The following PCP4 variants were observed in gnomAD, a reference collection of about 807,000 sequenced individuals.
PCP4 encodes the protein Purkinje cell protein 4.
A neutral mutation model predicts 10.0 loss-of-function variants in PCP4; 8 were observed. The ratio of observed to expected loss-of-function variants is 0.80; its 90% CI spans 0.47 to 1.45. PCP4 has a LOEUF of 1.45. Among genes scored for constraint, PCP4 ranks in the 40% most tolerant of loss-of-function variants. The pLI, the probability that PCP4 is intolerant of heterozygous loss-of-function variation, is 0.00. For missense variants in PCP4, 54 were observed against 74.4 expected, an observed-to-expected ratio of 0.73 and a Z score of 1.01; for synonymous variants, 21 against 23.0, an observed-to-expected ratio of 0.91 and a Z score of 0.24.
At chr21:39,912,788 C>G (rs9808781) in intron 2 of PCP4, among the ~76,000 whole-genome samples, 11 of 151,952 alleles carry the variant, frequency 7.2e-5, no homozygotes, top group Non-Finnish European at 1.5e-4. Flanking sequence ...TTAGCTCACT[C>G]TAACCTTGAA....
At chr21:39,873,677 G>A (rs1016617702) in intron 1 of PCP4, among the ~76,000 whole-genome samples, 3 of 152,054 alleles carry the variant, frequency 2.0e-5, no homozygotes, top group African/African-American at 4.8e-5. Context: ...ATACAGAAAC[G>A]TTTTCCAGTC....
chr21:39,895,251 C>T (rs1422956719), intron 1 of PCP4, among the ~76,000 whole-genome samples: 1 of 152,240 alleles, frequency 6.6e-6, no homozygotes, highest in African/African-American at 2.4e-5. Context: ...ATCCACACAT[C>T]CATCTGCTAT....
At chr21:39,914,321 C>G (rs78345394) in intron 2 of PCP4, among the ~76,000 whole-genome samples, 52 of 152,252 alleles carry the variant, frequency 3.4e-4, no homozygotes, top group African/African-American at 1.2e-3. Flanking sequence ...TGGCTCATGT[C>G]TGTAATCCCA....
chr21:39,904,231 C>A (rs984889019), intron 2 of PCP4, among the ~76,000 whole-genome samples: 1 of 152,146 alleles, frequency 6.6e-6, no homozygotes, highest in African/African-American at 2.4e-5. Flanking sequence ...TTCACTACCC[C>A]CTACCCCTGG....
chr21:39,917,714 CTGAT>C (rs2087576037), intron 2 of PCP4, among the ~76,000 whole-genome samples: 1 of 152,142 alleles, frequency 6.6e-6, no homozygotes, highest in Non-Finnish European at 1.5e-5. Flanking sequence ...TCATACCTCT[CTGAT>C]TGTCTCCATT....
At chr21:39,873,614 C>T (rs1408759108) in intron 1 of PCP4, among the ~76,000 whole-genome samples, 1 of 152,118 alleles carries the variant, frequency 6.6e-6, no homozygotes, top group East Asian at 1.9e-4. Context: ...CAGGGATGAA[C>T]TATTTACCAT....
intron 2 of PCP4, among the ~76,000 whole-genome samples, chr21:39,918,145 T>TA (rs2087578021): frequency 6.6e-6 from 1 of 152,242 alleles, no homozygotes; most frequent in South Asian, 2.1e-4. Context: ...AAGCAATTCA[T>TA]ACAAATAGGA....
intron 1 of PCP4, among the ~76,000 whole-genome samples, chr21:39,872,428 G>T (rs932840631): frequency 6.6e-6 from 1 of 152,136 alleles, no homozygotes; most frequent in South Asian, 2.1e-4. Flanking sequence ...CTATTTGGAC[G>T]CACAGATAAT....
In PCP4 at chr21:39,906,104, G is replaced by T. The variant is rs1461741189; in HGVS notation, c.61+7577G>T. Among the ~76,000 whole-genome samples the T allele has an allele frequency of 6.6e-6, 1 of 152,226 alleles. No homozygotes were observed. The highest frequency in any genetic ancestry group is 2.1e-4 in the South Asian group (1 of 4,836). On this transcript the variant is annotated intron_variant, in intron 2 of 2. Coordinates refer to ENST00000328619, the MANE Select transcript of PCP4 (RefSeq NM_006198.3). This position sits in a 1 kb window ranked among gnomAD's most constrained non-coding sequence, Gnocchi z 6.3. ...GATGTTACCATGGCCTTGCAGGTGG[G>T]TTGGGAGAGGATCTCAGGCAAAGTT...
intron 1 of PCP4, among the ~76,000 whole-genome samples, chr21:39,897,514 G>A (rs753652093): frequency 3.3e-5 from 5 of 151,930 alleles, no homozygotes; most frequent in Admixed American, 2.6e-4. Context: ...CTAGAACCAC[G>A]TTAAGCTTTG....
At position 39,925,738 on chromosome 21, in the gene PCP4, C is replaced by T. The variant is rs566840813; in HGVS notation, c.62-3246C>T. ...AGTAGAAAGGGCCCCCTGTACTGCT[C>T]GTGGGTCCCCGCCTCTGCCCGGGAG... On this transcript the variant is annotated intron_variant, in intron 2 of 2. Coordinates refer to ENST00000328619, the MANE Select transcript of PCP4 (RefSeq NM_006198.3). 7.2e-5 allele frequency among the ~76,000 whole-genome samples: 11 copies of T among 152,166 alleles called. No individual in the cohort carries two copies. In the South Asian group the frequency reaches 1.0e-3, roughly 14 times the overall value.
At chr21:39,898,204 G>A in intron 1 of PCP4, 2 of 494,914 alleles carry the variant, frequency 4.0e-6, no homozygotes, top group Non-Finnish European at 7.3e-6. Flanking sequence ...CATTGAAGTT[G>A]TGCTTGATCT....
At chr21:39,870,131 A>G (rs2087312936) in intron 1 of PCP4, among the ~76,000 whole-genome samples, 1 of 152,252 alleles carries the variant, frequency 6.6e-6, no homozygotes, top group Non-Finnish European at 1.5e-5. Context: ...GGAAAGGTGG[A>G]GTGGCAAAGG....
At chr21:39,873,538 A>G (rs918429325) in intron 1 of PCP4, among the ~76,000 whole-genome samples, 2 of 152,260 alleles carry the variant, frequency 1.3e-5, no homozygotes, top group Admixed American at 6.5e-5. Context: ...GGGAGTTCGA[A>G]ACTGAATTGC....
At chr21:39,923,077 A>C (rs541069495) in intron 2 of PCP4, among the ~76,000 whole-genome samples, 5 of 152,340 alleles carry the variant, frequency 3.3e-5, no homozygotes, top group Admixed American at 6.5e-5. Context: ...GTCTATGCAG[A>C]GTGGGAAAAG....
intron 1 of PCP4, among the ~76,000 whole-genome samples, chr21:39,875,366 T>G (rs768715614): frequency 2.8e-4 from 43 of 152,260 alleles, no homozygotes; most frequent in Non-Finnish European, 7.3e-5. Flanking sequence ...TCCTCATCTC[T>G]GAGGGGTGAC....
At chr21:39,868,883 G>C (rs1966966085) in intron 1 of PCP4, among the ~76,000 whole-genome samples, 1 of 152,180 alleles carries the variant, frequency 6.6e-6, no homozygotes, top group Non-Finnish European at 1.5e-5. Context: ...GATGGCAGAG[G>C]TTGGAGGAGG....
chr21:39,898,456 C>A lies in PCP4; in HGVS notation c.10-20C>A, dbSNP rs1239585237. ...TATATCTGATAACAATTGCTTTTTT[C>A]TTTTATTTTTTGCCTTTAGCGACAA... On this transcript the variant is annotated intron_variant, in intron 1 of 2. Coordinates refer to ENST00000328619, the MANE Select transcript of PCP4 (RefSeq NM_006198.3). 6.2e-7 allele frequency: 1 copy of A among 1,608,100 alleles called. No individual in the cohort carries two copies. The highest frequency in any genetic ancestry group is 1.7e-5 in the Admixed American group (1 of 59,650).
At chr21:39,878,615 G>C (rs2183577) in intron 1 of PCP4, among the ~76,000 whole-genome samples, 27,160 of 152,130 alleles carry the variant, frequency 0.18, 2,727 homozygotes, top group South Asian at 0.39. Flanking sequence ...TTACATTTTT[G>C]AAAGTGCACA....
Sources: allele counts gnomAD v4.1 joint callset (sites outside exome capture counted in the v4.1 genomes callset), GRCh38; gene constraint gnomAD v4.1.1; non-coding constraint Gnocchi (gnomAD v3.1); transcripts MANE v1.5; gene names NCBI Gene and HGNC (gene_info 2026-07-23, HGNC 2026-07-21).